The following DNAH14 variants were observed in gnomAD, a reference collection of about 807,000 sequenced individuals.
DNAH14 encodes the protein dynein axonemal heavy chain 14, also known as axonemal beta dynein heavy chain 14.
DNAH14 carries 478 observed loss-of-function variants against 520.9 expected under a neutral mutation model. The ratio of observed to expected loss-of-function variants is 0.92; its 90% CI spans 0.85 to 0.99. DNAH14 has a LOEUF of 0.99. DNAH14 is among the 50% of genes least tolerant of loss of function. The pLI is 0.00. For missense variants in DNAH14, 4,831 were observed against 5,234.5 expected, an observed-to-expected ratio of 0.92 and a Z score of 2.38; for synonymous variants, 1,581 against 1,757.2, an observed-to-expected ratio of 0.90 and a Z score of 2.51.
chr1:225,001,160 G>C (rs2063744674), intron 8 of DNAH14, among the ~76,000 whole-genome samples: 3 of 151,040 alleles, frequency 2.0e-5, no homozygotes, highest in Non-Finnish European at 2.9e-5. Context: ...GGTTTCTTCA[G>C]CTTCAAGTCT....
rs1365231698 is a variant in DNAH14, at chr1:225,270,992, A to G, written c.7671+126A>G. On this transcript the variant is annotated intron_variant, in intron 50 of 85. Transcript: ENST00000682510. ...AAGGGGATAGATTTTATTTCCCCGT[A>G]TGTTTTCTGGCCTATTATAATTTGG... 4 of 1,030,944 alleles carry G rather than the reference A, an allele frequency of 3.9e-6. No individual in the cohort carries two copies. In the Admixed American group the frequency reaches 1.1e-4, roughly 28 times the overall value. 63.9% of individuals were successfully genotyped at this position (1,030,944 alleles called of 1,614,324 possible).
chr1:224,932,311 T>C (rs746602397), intron 1 of DNAH14, among the ~76,000 whole-genome samples: 18 of 152,136 alleles, frequency 1.2e-4, no homozygotes, highest in Non-Finnish European at 2.5e-4. Context: ...TTGTTTGTGC[T>C]TTTCCTGTTG....
intron 36 of DNAH14, among the ~76,000 whole-genome samples, chr1:225,176,107 C>G (rs1032244652): frequency 1.3e-5 from 2 of 152,116 alleles, no homozygotes; most frequent in South Asian, 4.1e-4. Flanking sequence ...TTCCTTCCTT[C>G]CTTGCTTTTG....
Position 224,929,712 on chromosome 1 carries a change from G to A in DNAH14, c.-157G>A, listed in dbSNP as rs986215915. On this transcript the variant is annotated 5_prime_UTR_variant, in exon 1 of 86. In the 5' UTR this introduces an upstream ATG that the reference lacks. Coordinates refer to ENST00000682510, the MANE Select transcript of DNAH14 (RefSeq NM_001367479.1). ...CGGCCAGGAGGCGTCGGAGCCTGGC[G>A]TGGTAGGGCTGTGCTGCGCGGTCCT... 8 of 702,434 alleles carry A rather than the reference G, an allele frequency of 1.1e-5. No individual in the cohort carries two copies. Among genetic ancestry groups the A allele is most frequent in the African/African-American group, 1.0e-4 (6 of 57,386 alleles). 43.5% of individuals were successfully genotyped at this position (702,434 alleles called of 1,614,324 possible).
chr1:225,066,814 CAA>C (rs1253588250), intron 17 of DNAH14, among the ~76,000 whole-genome samples: 7 of 152,200 alleles, frequency 4.6e-5, no homozygotes, highest in Admixed American at 4.6e-4. Flanking sequence ...CAAGTTTCTG[CAA>C]AAGACATTAT....
At chr1:225,345,055 G>A (rs1297378753) in intron 69 of DNAH14, among the ~76,000 whole-genome samples, 3 of 152,062 alleles carry the variant, frequency 2.0e-5, no homozygotes, top group Admixed American at 1.3e-4. Flanking sequence ...CTCTTTGGTT[G>A]ATTGCCCAAA....
chr1:224,972,590 C>T (rs9426101), intron 7 of DNAH14, among the ~76,000 whole-genome samples: 13,872 of 151,888 alleles, frequency 0.091, 2,032 homozygotes, highest in African/African-American at 0.31. Flanking sequence ...CTCAGCCTCC[C>T]GAGAAGCTGG....
intron 11 of DNAH14, among the ~76,000 whole-genome samples, chr1:225,035,796 T>C (rs748748682): frequency 7.9e-5 from 12 of 152,190 alleles, no homozygotes; most frequent in Non-Finnish European, 1.6e-4. Flanking sequence ...TAGAAGAATG[T>C]GTATTATCTA....
intron 39 of DNAH14, 86 bp downstream of exon 39, chr1:225,204,359 G>T: frequency 2.6e-6 from 2 of 773,158 alleles, no homozygotes; most frequent in Non-Finnish European, 2.0e-6. Flanking sequence ...GTTTAAACAT[G>T]TTTTTTGACT....
intron 35 of DNAH14, among the ~76,000 whole-genome samples, chr1:225,162,093 C>T (rs910673258): frequency 6.6e-6 from 1 of 152,158 alleles, no homozygotes; most frequent in Non-Finnish European, 1.5e-5. Context: ...GACCAATGTC[C>T]TAGACATTTT....
chr1:225,307,097 C>T (rs1222383192), intron 58 of DNAH14, among the ~76,000 whole-genome samples: 2 of 152,190 alleles, frequency 1.3e-5, no homozygotes, highest in Non-Finnish European at 2.9e-5. Context: ...CTTAAGTGTG[C>T]TCCAGTGGGA....
Position 225,259,138 on chromosome 1 carries a change from A to C in DNAH14, c.7042A>C (p.Lys2348Gln), listed in dbSNP as rs939671277. Residue 2348 changes from lysine to glutamine, a missense_variant, in exon 46 of 86, where the codon AAA becomes CAA. Physicochemically the swap from Lys to Gln is moderately conservative, Grantham distance 53. Transcript: ENST00000682510. ...TCCCTTAGGAGAATCTGGTGTTGGGAAAACTGCTGCCATTAATCAAATGCT... is the reference window on the plus strand; with the variant it reads ...TCCCTTAGGAGAATCTGGTGTTGGGCAAACTGCTGCCATTAATCAAATGCT... ...VLLTGESGVGKTAAINQMLEK... is the reference protein window; with the variant it reads ...VLLTGESGVGQTAAINQMLEK... The C allele has an allele frequency of 1.3e-6, 2 of 1,542,048 alleles. No individual in the cohort carries two copies. The highest frequency in any genetic ancestry group is 2.8e-5 in the African/African-American group (2 of 72,362).
chr1:225,331,543 C>T lies in DNAH14; in HGVS notation c.9830C>T (p.Ala3277Val), dbSNP rs1365974885. 5.8e-6 allele frequency: 9 copies of T among 1,551,320 alleles called. No individual in the cohort carries two copies. The highest frequency in any genetic ancestry group is 2.4e-5 in the South Asian group (2 of 84,042). Residue 3277 changes from alanine to valine, a missense_variant, in exon 65 of 86, where the codon GCG becomes GTG. Ala to Val is a moderately conservative substitution (Grantham distance 64). Coordinates refer to ENST00000682510, the MANE Select transcript of DNAH14 (RefSeq NM_001367479.1). Reference protein sequence around the residue: ...KTMASRRFQCASVLLTVLEDE... With the variant: ...KTMASRRFQCVSVLLTVLEDE... ...ATGGCCAGCAGGCGCTTTCAGTGTG[C>T]GTCAGTCTTACTAACTGTCCTGGAA...
At chr1:225,083,321 T>C (rs373785466) in intron 20 of DNAH14, among the ~76,000 whole-genome samples, 1 of 134,824 alleles carries the variant, frequency 7.4e-6, no homozygotes, top group Non-Finnish European at 1.7e-5. Context: ...AATCAAAACA[T>C]ATTTTATACC....
intron 41 of DNAH14, among the ~76,000 whole-genome samples, chr1:225,209,770 G>C (rs540431651): frequency 6.6e-6 from 1 of 152,216 alleles, no homozygotes; most frequent in East Asian, 1.9e-4. Flanking sequence ...GCAGAAGGTG[G>C]GTGATTTCTG....
At position 225,256,187 on chromosome 1, in the gene DNAH14, T is replaced by G. The variant is rs1258027298; in HGVS notation, c.6866-1773T>G. Among the ~76,000 whole-genome samples the G allele has an allele frequency of 2.0e-5, 3 of 152,152 alleles. No homozygotes were observed. The East Asian group carries it at 5.8e-4, about 29-fold the overall frequency. Reference sequence around the variant, plus strand: ...TAAGAGAATTTAGTTTTAGTCTAATTACAAAACAATGTGTAAAAATAATCT... The same window carrying G: ...TAAGAGAATTTAGTTTTAGTCTAATGACAAAACAATGTGTAAAAATAATCT... On this transcript the variant is annotated intron_variant, in intron 44 of 85. Coordinates refer to ENST00000682510, the MANE Select transcript of DNAH14 (RefSeq NM_001367479.1).
At position 225,304,967 on chromosome 1, in the gene DNAH14, G is replaced by A. The variant is rs2150090980; in HGVS notation, c.8883G>A (p.Leu2961=). The change falls in exon 58 of 86, where the codon TTG becomes TTA. Residue 2961 remains leucine, a synonymous_variant. Transcript: ENST00000682510. The part of the protein sequence containing the change: ...CVQIHKSMKD[L]NRKYFEETGR... ...AAATCCACAAAAGCATGAAAGACTTGAACAGAAAATACTTTGAAGAAACTG... is the reference window on the plus strand; with the variant it reads ...AAATCCACAAAAGCATGAAAGACTTAAACAGAAAATACTTTGAAGAAACTG... 1 of 1,543,638 alleles carries A rather than the reference G, an allele frequency of 6.5e-7. No homozygotes were observed. The highest frequency in any genetic ancestry group is 1.7e-4 in the Middle Eastern group (1 of 5,980).
At position 224,955,046 on chromosome 1, in the gene DNAH14, A is replaced by T; in HGVS notation, c.165A>T (p.Glu55Asp). 6.2e-7 allele frequency: 1 copy of T among 1,611,926 alleles called. No individual in the cohort carries two copies. ...AAATAGCAGAAAAGGAAACATTGGA[A>T]TATAAAACAGTTAGAACATTCTCTG... ...PAEIAEKETLEYKTVRTFSES... is the reference protein window; with the variant it reads ...PAEIAEKETLDYKTVRTFSES... Residue 55 changes from glutamate to aspartate, a missense_variant, in exon 3 of 86, where the codon GAA (glutamate) becomes GAT (aspartate). Coordinates refer to ENST00000682510, the MANE Select transcript of DNAH14 (RefSeq NM_001367479.1).
chr1:225,387,244 G>C (rs1437987638), intron 81 of DNAH14, among the ~76,000 whole-genome samples: 2 of 152,130 alleles, frequency 1.3e-5, no homozygotes, highest in African/African-American at 2.4e-5. Context: ...TCATGTGTGG[G>C]GGGGAGGGGG....
Sources: gnomAD v4.1 joint callset for allele counts (sites outside exome capture counted in the v4.1 genomes callset) on GRCh38, gnomAD v4.1.1 for gene constraint, MANE v1.5 for transcripts, NCBI Gene and HGNC (gene_info 2026-07-23, HGNC 2026-07-21) for gene names.